Variants in C3orf70 observed in about 807,000 individuals in gnomAD.
C3orf70 encodes the protein chromosome 3 open reading frame 70, also known as UPF0524 protein C3orf70.
Under a neutral mutation model 20.7 loss-of-function variants are expected in C3orf70, and 15 were observed. The ratio of observed to expected loss-of-function variants is 0.72; its 90% CI spans 0.48 to 1.11. The LOEUF is 1.11. Ranked by LOEUF, C3orf70 falls within the 50% of genes most tolerant of loss-of-function variation. C3orf70 has a pLI of 0.00. For missense variants in C3orf70, 332 were observed against 317.6 expected (o/e 1.05, Z -0.34); for synonymous variants, 161 against 125.7 (o/e 1.28, Z -1.88).
chr3:185,142,414 C>G (rs1474382259), intron 1 of C3orf70, among the ~76,000 whole-genome samples: 1 of 152,154 alleles, frequency 6.6e-6, no homozygotes, highest in East Asian at 1.9e-4. Context: ...GCCTGGGTGA[C>G]ACAGCGAAAC....
At chr3:185,141,308 G>A (rs1238311341) in intron 1 of C3orf70, among the ~76,000 whole-genome samples, 1 of 151,970 alleles carries the variant, frequency 6.6e-6, no homozygotes, top group Non-Finnish European at 1.5e-5. Context: ...CATTGCTAGT[G>A]GGAATGTAAA....
chr3:185,099,268 C>A (rs1445872879), intron 1 of C3orf70, among the ~76,000 whole-genome samples: 1 of 152,138 alleles, frequency 6.6e-6, no homozygotes, highest in East Asian at 1.9e-4. Context: ...CCCCAACACA[C>A]ACAATCAGCA....
At chr3:185,131,425 TAAAC>T (rs1175783613) in intron 1 of C3orf70, among the ~76,000 whole-genome samples, 1 of 152,228 alleles carries the variant, frequency 6.6e-6, no homozygotes, top group Non-Finnish European at 1.5e-5. Flanking sequence ...GATATCCGGT[TAAAC>T]AGAGTATTAA....
intron 1 of C3orf70, among the ~76,000 whole-genome samples, chr3:185,144,414 C>A (rs1028000930): frequency 2.0e-5 from 3 of 152,156 alleles, no homozygotes; most frequent in Admixed American, 2.0e-4. Flanking sequence ...GGAGGAGGGG[C>A]TGATCCTTCC....
chr3:185,120,429 G>C (rs1442797146), intron 1 of C3orf70, among the ~76,000 whole-genome samples: 1 of 152,102 alleles, frequency 6.6e-6, no homozygotes, highest in Non-Finnish European at 1.5e-5. Context: ...AAAATAAGCA[G>C]AGTAAACAGA....
At chr3:185,129,508 T>C (rs1178244693) in intron 1 of C3orf70, among the ~76,000 whole-genome samples, 4 of 152,246 alleles carry the variant, frequency 2.6e-5, no homozygotes, top group African/African-American at 7.2e-5. Context: ...TCTATGTCTT[T>C]GCTATCGTGA....
At chr3:185,097,848 A>G (rs1715741161) in intron 1 of C3orf70, among the ~76,000 whole-genome samples, 1 of 152,236 alleles carries the variant, frequency 6.6e-6, no homozygotes, top group South Asian at 2.1e-4. Flanking sequence ...GACATTCGGC[A>G]CTGGGTTGGG....
rs1030583682 is a variant in C3orf70 at position 185,114,678 on chromosome 3, T to C, written c.197-31115A>G. Among the ~76,000 whole-genome samples, 14 of 152,326 alleles carry C rather than the reference T, an allele frequency of 9.2e-5. No homozygotes were observed. The East Asian group carries it at 2.7e-3, about 29-fold the overall frequency. ...AGCTCATTCTTTATATTTGAAACCA[T>C]AGAAGCATAGGGTTTTACTGACTGA... On this transcript the variant is annotated intron_variant, in intron 1 of 1. Transcript: ENST00000335012.
chr3:185,113,921 C>T (rs149632398), intron 1 of C3orf70, among the ~76,000 whole-genome samples: 1,772 of 152,184 alleles, frequency 0.012, 38 homozygotes, highest in African/African-American at 0.04. Flanking sequence ...CCAAATGGGC[C>T]GGGCGTGGTG....
chr3:185,101,073 G>A (rs1715812659), intron 1 of C3orf70, among the ~76,000 whole-genome samples: 1 of 152,086 alleles, frequency 6.6e-6, no homozygotes, highest in Non-Finnish European at 1.5e-5. Context: ...CCCAGGACCA[G>A]AGGGATTCAC....
At chr3:185,092,882 T>C (rs146579267) in intron 1 of C3orf70, among the ~76,000 whole-genome samples, 2,117 of 152,082 alleles carry the variant, frequency 0.014, 51 homozygotes, top group African/African-American at 0.049. Context: ...TCCCAGCTAC[T>C]TGGGAAGCTG....
At chr3:185,125,460 T>C (rs1716391314) in intron 1 of C3orf70, among the ~76,000 whole-genome samples, 1 of 152,054 alleles carries the variant, frequency 6.6e-6, no homozygotes, top group Admixed American at 6.6e-5. Flanking sequence ...TTTAGAAAAT[T>C]AAACATAAAC....
At chr3:185,107,492 C>T (rs981907310) in intron 1 of C3orf70, among the ~76,000 whole-genome samples, 1 of 152,138 alleles carries the variant, frequency 6.6e-6, no homozygotes, top group Non-Finnish European at 1.5e-5. Context: ...AACAAAGTTC[C>T]TGACAAAGAT....
intron 1 of C3orf70, among the ~76,000 whole-genome samples, chr3:185,123,368 G>A (rs879743491): frequency 1.1e-4 from 16 of 151,990 alleles, no homozygotes; most frequent in South Asian, 2.1e-4. Context: ...GTGACCCATC[G>A]TGGTTTTTGA....
At position 185,078,907 on chromosome 3, in the gene C3orf70, G is replaced by T. The variant is rs1159478683; in HGVS notation, c.*4100C>A. 1 of 152,086 alleles carries T rather than the reference G, an allele frequency of 6.6e-6. No individual in the cohort carries two copies. The highest frequency in any genetic ancestry group is 1.5e-5 in the Non-Finnish European group (1 of 68,032). 9.4% of individuals were successfully genotyped at this position (152,086 alleles called of 1,614,324 possible). A position where few individuals can be genotyped will look rare whatever the true frequency, so the allele number is the denominator to read the frequency against. ...CAGGTGCACCTATTACCCAAGTCAAGAATTAAATTAGCATAAAAGGGGTTT... is the reference window on the plus strand; with the variant it reads ...CAGGTGCACCTATTACCCAAGTCAATAATTAAATTAGCATAAAAGGGGTTT... On this transcript the variant is annotated 3_prime_UTR_variant, in exon 2 of 2. Coordinates refer to ENST00000335012, the MANE Select transcript of C3orf70 (RefSeq NM_001025266.3).
intron 1 of C3orf70, among the ~76,000 whole-genome samples, chr3:185,092,684 G>C (rs1325792429): frequency 6.6e-6 from 1 of 152,098 alleles, no homozygotes; most frequent in Non-Finnish European, 1.5e-5. Context: ...AGAAAGTAAA[G>C]TCAGTGATTA....
At chr3:185,093,879 C>T (rs2108589756) in intron 1 of C3orf70, among the ~76,000 whole-genome samples, 1 of 152,108 alleles carries the variant, frequency 6.6e-6, no homozygotes. Flanking sequence ...ATACAGTCAT[C>T]CCTCAGGATC....
intron 1 of C3orf70, among the ~76,000 whole-genome samples, chr3:185,133,771 A>G (rs1483924435): frequency 6.6e-6 from 1 of 151,986 alleles, no homozygotes; most frequent in Non-Finnish European, 1.5e-5. Context: ...AAACACATCT[A>G]TTACACATAT....
chr3:185,134,637 C>CA (rs1188769533), intron 1 of C3orf70, among the ~76,000 whole-genome samples: 21 of 151,738 alleles, frequency 1.4e-4, no homozygotes, highest in East Asian at 3.9e-4. Flanking sequence ...CCTAAAATGA[C>CA]AAAAAAAACT....
Sources: allele counts gnomAD v4.1 joint callset (sites outside exome capture counted in the v4.1 genomes callset), GRCh38; gene constraint gnomAD v4.1.1; transcripts MANE v1.5; gene names NCBI Gene and HGNC (gene_info 2026-07-23, HGNC 2026-07-21).